Variants in MICAL2 observed in about 807,000 individuals in gnomAD.
MICAL2 encodes the protein [F-actin]-monooxygenase MICAL2.
A neutral mutation model predicts 127.3 loss-of-function variants in MICAL2; 77 were observed. The ratio of observed to expected loss-of-function variants is 0.60; its 90% CI spans 0.50 to 0.73. The LOEUF is 0.73. MICAL2 is among the 30% of genes least tolerant of loss of function. The pLI, the probability that MICAL2 is intolerant of heterozygous loss-of-function variation, is 0.00. For synonymous variants in MICAL2, 570 were observed against 551.1 expected (o/e 1.03, Z -0.48); for missense variants, 1,351 against 1,434.4 (o/e 0.94, Z 0.94).
intron 15 of MICAL2, among the ~76,000 whole-genome samples, chr11:12,235,863 T>C (rs1403677398): frequency 1.3e-5 from 2 of 152,230 alleles, no homozygotes; most frequent in Non-Finnish European, 2.9e-5. Flanking sequence ...GCCCTGCCTA[T>C]GTCACCGGGA....
chr11:12,241,885 A>G (rs1375482692), intron 18 of MICAL2, among the ~76,000 whole-genome samples: 5 of 147,514 alleles, frequency 3.4e-5, no homozygotes, highest in Non-Finnish European at 6.0e-5. Context: ...GAGCAATCCA[A>G]TCGAAATCTC....
At chr11:12,298,947 T>C (rs1202818672) in intron 29 of MICAL2, among the ~76,000 whole-genome samples, 2 of 152,210 alleles carry the variant, frequency 1.3e-5, no homozygotes, top group East Asian at 3.8e-4. Context: ...ATTTAATTCA[T>C]AGGTAATATT....
At chr11:12,358,020 G>C (rs1201600135) in intron 34 of MICAL2, among the ~76,000 whole-genome samples, 1 of 152,064 alleles carries the variant, frequency 6.6e-6, no homozygotes, top group Non-Finnish European at 1.5e-5. Context: ...GGATTTGATA[G>C]GGTTTGGCTG....
intron 29 of MICAL2, among the ~76,000 whole-genome samples, chr11:12,315,606 T>C (rs963771755): frequency 6.6e-6 from 1 of 152,176 alleles, no homozygotes; most frequent in African/African-American, 2.4e-5. Flanking sequence ...TCAGAGAACA[T>C]GGTTTTCATT....
At chr11:12,292,343 A>T, downstream of MICAL2, 1 of 1,588,922 alleles carries the variant, frequency 6.3e-7, no homozygotes, top group Non-Finnish European at 8.6e-7. Context: ...AAGCTAACCT[A>T]CCTGTACTCT....
chr11:12,130,694 T>C (rs1851341478), intron 1 of MICAL2, among the ~76,000 whole-genome samples: 1 of 152,166 alleles, frequency 6.6e-6, no homozygotes, highest in East Asian at 1.9e-4. Context: ...TGCCTCTTCC[T>C]CCCTCCTGCC....
Position 12,327,267 on chromosome 11 carries a change from G to T in MICAL2, c.5515+1G>T. 1 of 1,549,604 alleles carries T rather than the reference G, an allele frequency of 6.5e-7. No homozygotes were observed. Among genetic ancestry groups the T allele is most frequent in the Non-Finnish European group, 8.7e-7 (1 of 1,146,566 alleles). ...GAGAAGGCGTTGCGAGGAGAAGCAG[G>T]TACGGCATCCCAGCAGATCCGGAGC... On this transcript the variant is annotated splice_donor_variant, in intron 32 of 34. Transcript: ENST00000646065. LOFTEE classifies it high-confidence loss of function.
At chr11:12,327,061 G>A in intron 31 of MICAL2, 1 of 882,426 alleles carries the variant, frequency 1.1e-6, no homozygotes, top group Non-Finnish European at 1.9e-6. Flanking sequence ...TTCAAGGCAG[G>A]ACCATCACAA....
intron 1 of MICAL2, among the ~76,000 whole-genome samples, chr11:12,277,630 C>T (rs1279302186): frequency 1.3e-5 from 2 of 152,154 alleles, no homozygotes; most frequent in Non-Finnish European, 2.9e-5. Flanking sequence ...GCGGCAGGTA[C>T]ACCCTGAGTG....
At chr11:12,131,250 G>A (rs1429262991) in intron 1 of MICAL2, among the ~76,000 whole-genome samples, 3 of 28,320 alleles carry the variant, frequency 1.1e-4, no homozygotes, top group African/African-American at 2.0e-4. Context: ...CCGAGATTGC[G>A]CCACTGCAGT....
intron 3 of MICAL2, among the ~76,000 whole-genome samples, chr11:12,194,448 A>G (rs552707156): frequency 6.6e-6 from 1 of 152,350 alleles, no homozygotes; most frequent in African/African-American, 2.4e-5. Flanking sequence ...ACAGTTACTA[A>G]GCAACTAAAA....
chr11:12,216,415 G>A (rs1345658375), intron 8 of MICAL2, 96 bp downstream of exon 8: 18 of 908,962 alleles, frequency 2.0e-5, no homozygotes, highest in Admixed American at 7.4e-5. Context: ...GAAACTGAGC[G>A]AGGGGAGGAG....
chr11:12,310,198 T>C (rs1864157080), intron 29 of MICAL2, among the ~76,000 whole-genome samples: 2 of 152,160 alleles, frequency 1.3e-5, no homozygotes, highest in African/African-American at 4.8e-5. Flanking sequence ...CAATAGCCTG[T>C]TTTTGCTTTT....
chr11:12,170,861 C>A (rs1302608901), intron 3 of MICAL2, among the ~76,000 whole-genome samples: 1 of 152,220 alleles, frequency 6.6e-6, no homozygotes, highest in Non-Finnish European at 1.5e-5. Context: ...GGACAGGGAG[C>A]ATGCCTGGTT....
chr11:12,124,346 C>G (rs1353693543), intron 1 of MICAL2, among the ~76,000 whole-genome samples: 1 of 152,188 alleles, frequency 6.6e-6, no homozygotes, highest in Non-Finnish European at 1.5e-5. Flanking sequence ...TTGAAGCCGC[C>G]CCTAGCCTAG....
intron 1 of MICAL2, among the ~76,000 whole-genome samples, chr11:12,113,874 T>C (rs1484717864): frequency 6.6e-6 from 1 of 152,188 alleles, no homozygotes; most frequent in African/African-American, 2.4e-5. Flanking sequence ...TCTCACCCTA[T>C]ATTGTAATTA....
chr11:12,191,650 C>A (rs1374822822), intron 3 of MICAL2, among the ~76,000 whole-genome samples: 2 of 151,910 alleles, frequency 1.3e-5, no homozygotes, highest in African/African-American at 4.8e-5. Flanking sequence ...ACCTGTAGTC[C>A]CAGCTACTCG....
chr11:12,141,111 G>A (rs1438314849), intron 2 of MICAL2, among the ~76,000 whole-genome samples: 4 of 152,248 alleles, frequency 2.6e-5, no homozygotes, highest in African/African-American at 9.6e-5. Flanking sequence ...TTCCCTAAGT[G>A]ATACTTGGGT....
intron 2 of MICAL2, among the ~76,000 whole-genome samples, chr11:12,143,276 G>T (rs4093064): frequency 0.54 from 81,340 of 151,932 alleles, 22,800 homozygotes; most frequent in African/African-American, 0.72. Context: ...AGGAGTAGTG[G>T]GCATGCTTTT....
Sources: allele counts gnomAD v4.1 joint callset (sites outside exome capture counted in the v4.1 genomes callset), GRCh38; gene constraint gnomAD v4.1.1; transcripts MANE v1.5; gene names NCBI Gene and HGNC (gene_info 2026-07-23, HGNC 2026-07-21).